CHD5: variants seen among roughly 807,000 people sequenced by gnomAD.
CHD5 encodes ATP-dependent chromatin remodeler CHD5.
CHD5 carries 69 observed loss-of-function variants against 230.3 expected under a neutral mutation model. That is an observed-to-expected ratio of 0.30 (90% CI 0.25 to 0.37). The LOEUF (loss-of-function observed/expected upper bound fraction) is 0.37, where lower values mean the gene tolerates loss of function less well. CHD5 is among the 10% of genes least tolerant of loss of function. The pLI, the probability that CHD5 is intolerant of heterozygous loss-of-function variation, is 1.00. For synonymous variants in CHD5, 1,064 were observed against 1,065.9 expected, an observed-to-expected ratio of 1.00 and a Z score of 0.03; for missense variants, 1,827 against 2,622.8, an observed-to-expected ratio of 0.70 and a Z score of 6.63.
In CHD5 at chr1:6,129,208, G is replaced by C. The variant is rs2100846618; in HGVS notation, c.3388-139C>G. Reference sequence around the variant, plus strand: ...GGCGTGTGGTGCGTCCAGGTGTGTGGAGCCCACCACTGCAGCTGGGCTCCC... The same window carrying C: ...GGCGTGTGGTGCGTCCAGGTGTGTGCAGCCCACCACTGCAGCTGGGCTCCC... On this transcript the variant is annotated intron_variant, in intron 22 of 41. Transcript: ENST00000262450. The surrounding 1 kb of genome is among the most constrained non-coding windows in gnomAD (Gnocchi z 6.8). 1.6e-6 allele frequency: 1 copy of C among 633,802 alleles called. No individual in the cohort carries two copies. The highest frequency in any genetic ancestry group is 2.7e-5 in the Admixed American group (1 of 37,686). The allele number at this position is 633,802 out of a possible 1,614,324, so 39.3% of individuals were successfully genotyped here.
rs557153140 is a variant in CHD5 at position 6,165,148 on chromosome 1, G to C, written c.207+3002C>G. Among the ~76,000 whole-genome samples, 525 of 152,260 alleles carry C rather than the reference G, an allele frequency of 3.4e-3. 5 individuals are homozygous for C. The highest frequency in any genetic ancestry group is 0.012 in the African/African-American group (514 of 41,550). On this transcript the variant is annotated intron_variant, in intron 2 of 41. Coordinates refer to ENST00000262450, the MANE Select transcript of CHD5 (RefSeq NM_015557.3). ...AGCGTGATCATGGCCCTGGGAATGA[G>C]AGCGTCGGAGAACCAGCCCTCCCAG...
At chr1:6,165,085 G>A (rs1460195992) in intron 2 of CHD5, among the ~76,000 whole-genome samples, 1 of 152,144 alleles carries the variant, frequency 6.6e-6, no homozygotes, top group African/African-American at 2.4e-5. Flanking sequence ...GAAAGAAGCG[G>A]GAGGGAAGAC....
At chr1:6,166,863 G>A (rs2100880829) in intron 2 of CHD5, among the ~76,000 whole-genome samples, 1 of 152,264 alleles carries the variant, frequency 6.6e-6, no homozygotes, top group South Asian at 2.1e-4. Flanking sequence ...GCCTTCCAGT[G>A]ATCTCACCTT....
chr1:6,128,966 C>A lies in CHD5; in HGVS notation c.3491G>T (p.Arg1164Leu). 1 of 1,612,926 alleles carries A rather than the reference C, an allele frequency of 6.2e-7. No individual in the cohort carries two copies. Among genetic ancestry groups the A allele is most frequent in the Non-Finnish European group, 8.5e-7 (1 of 1,179,978 alleles). Residue 1164 changes from arginine to leucine, a missense_variant, in exon 23 of 42, where the codon CGC becomes CTC. Transcript: ENST00000262450. This position sits in a 1 kb window ranked among gnomAD's most constrained non-coding sequence, Gnocchi z 7.8. Reference sequence around the variant, plus strand: ...CACCAGGTGGGTGAGCATCATCTTGCGCTTGGCCACCTGCGTGATGCGCTC... The same window carrying A: ...CACCAGGTGGGTGAGCATCATCTTGAGCTTGGCCACCTGCGTGATGCGCTC... ...VEERITQVAK[R>L]KMMLTHLVVR...
intron 2 of CHD5, among the ~76,000 whole-genome samples, chr1:6,164,975 G>A (rs971882026): frequency 5.3e-5 from 8 of 152,192 alleles, no homozygotes. Flanking sequence ...ACCAAGCACA[G>A]GCCAGAGGGA....
intron 33 of CHD5, among the ~76,000 whole-genome samples, chr1:6,114,252 C>CA (rs34379729): frequency 0.49 from 68,439 of 139,372 alleles, 16,556 homozygotes; most frequent in East Asian, 0.8. Context: ...GACTCCGTCT[C>CA]AAAAAAAAAA....
intron 33 of CHD5, among the ~76,000 whole-genome samples, chr1:6,116,159 C>T (rs538940146): frequency 4.6e-5 from 7 of 152,286 alleles, no homozygotes; most frequent in East Asian, 3.9e-4. Context: ...ACAAACTCCA[C>T]GGAATGAAGC....
intron 1 of CHD5, among the ~76,000 whole-genome samples, chr1:6,178,997 G>C (rs187037300): frequency 2.8e-4 from 42 of 152,342 alleles, no homozygotes; most frequent in Non-Finnish European, 4.9e-4. Context: ...GAGTCTCCCA[G>C]AAAGGAGGGA....
rs879546055 is a variant in CHD5 at position 6,154,943 on chromosome 1, T to C, written c.507-45A>G. 6.4e-7 allele frequency: 1 copy of C among 1,558,580 alleles called. No homozygotes were observed. Among genetic ancestry groups the C allele is most frequent in the Non-Finnish European group, 8.8e-7 (1 of 1,139,440 alleles). On this transcript the variant is annotated intron_variant, in intron 4 of 41. Transcript: ENST00000262450. The surrounding 1 kb of genome is among the most constrained non-coding windows in gnomAD (Gnocchi z 7.0). The stretch of plus-strand genomic sequence containing the variant: ...AGGGTGAGGGCAAGGCCAGGTGAGA[T>C]GAGAGGCCCACCCGACCCCCGGCAG...
In CHD5 at chr1:6,142,136, G is replaced by C; in HGVS notation, c.2428C>G (p.Arg810Gly). ...GGATAGCGAGCCCTCACCTTCATACGGAATACCTTCTTCCCACTCCGAATG... is the reference window on the plus strand; with the variant it reads ...GGATAGCGAGCCCTCACCTTCATACCGAATACCTTCTTCCCACTCCGAATG... Reference protein sequence around the residue: ...NAIRSGKKVFRMKKEVQIKFH... With the variant: ...NAIRSGKKVFGMKKEVQIKFH... The change falls in exon 15 of 42, where the codon CGT (arginine) becomes GGT (glycine). Residue 810 changes from arginine (R) to glycine (G), a missense_variant. Around this residue, in one of 14 missense-constraint regions of CHD5, gnomAD observed 80 missense variants for 96.4 expected, o/e 0.83. Transcript: ENST00000262450. This position sits in a 1 kb window ranked among gnomAD's most constrained non-coding sequence, Gnocchi z 5.2. The C allele has an allele frequency of 6.2e-7, 1 of 1,613,834 alleles. No individual in the cohort carries two copies. Among genetic ancestry groups the C allele is most frequent in the Non-Finnish European group, 8.5e-7 (1 of 1,179,768 alleles).
At chr1:6,174,427 T>C (rs574157180) in intron 1 of CHD5, among the ~76,000 whole-genome samples, 2 of 151,704 alleles carry the variant, frequency 1.3e-5, no homozygotes, top group Admixed American at 1.3e-4. Flanking sequence ...GATGAATGCA[T>C]GGTGGATGGA....
chr1:6,118,618 G>T (rs1227131771), intron 33 of CHD5, among the ~76,000 whole-genome samples: 1 of 152,120 alleles, frequency 6.6e-6, no homozygotes, highest in African/African-American at 2.4e-5. Context: ...TATTTTTGAA[G>T]TGATTAAATG....
At chr1:6,136,202 G>A (rs899261549) in intron 17 of CHD5, among the ~76,000 whole-genome samples, 4 of 152,120 alleles carry the variant, frequency 2.6e-5, no homozygotes, top group Non-Finnish European at 5.9e-5. Flanking sequence ...AGTCACTTGG[G>A]TCTCAGTGGA....
In CHD5 at chr1:6,128,002, A is replaced by C. The variant is rs192319708; in HGVS notation, c.3903+44T>G. On this transcript the variant is annotated intron_variant, in intron 25 of 41. Transcript: ENST00000262450. The surrounding 1 kb of genome is among the most constrained non-coding windows in gnomAD (Gnocchi z 7.8). ...GACACAGTGGGGGGCGGGGCTGCGGATGGAGGGCGGGGCTGCGGATGGAGG... is the reference window on the plus strand; with the variant it reads ...GACACAGTGGGGGGCGGGGCTGCGGCTGGAGGGCGGGGCTGCGGATGGAGG... The C allele has an allele frequency of 1.5e-6, 2 of 1,328,826 alleles. No individual in the cohort carries two copies. The highest frequency in any genetic ancestry group is 3.3e-5 in the African/African-American group (2 of 60,192). 82.3% of individuals were successfully genotyped at this position (1,328,826 alleles called of 1,614,324 possible). A position where few individuals can be genotyped will look rare whatever the true frequency, so the allele number is the denominator to read the frequency against.
At position 6,146,982 on chromosome 1, in the gene CHD5, C is replaced by A; in HGVS notation, c.1384-111G>T. On this transcript the variant is annotated intron_variant, in intron 9 of 41. Coordinates refer to ENST00000262450, the MANE Select transcript of CHD5 (RefSeq NM_015557.3). This position sits in a 1 kb window ranked among gnomAD's most constrained non-coding sequence, Gnocchi z 5.1. ...CTCCCTCCCATCAGTGCCACTGCCC[C>A]CAAGTCAGAACAGTACCACGGTGAC... 1 of 825,124 alleles carries A rather than the reference C, an allele frequency of 1.2e-6. No individual in the cohort carries two copies. 51.1% of individuals were successfully genotyped at this position (825,124 alleles called of 1,614,324 possible).
chr1:6,149,321 C>A lies in CHD5; in HGVS notation c.1086G>T (p.Pro362=), dbSNP rs757492771. Residue 362 remains proline (P), a synonymous_variant, in exon 8 of 42, where the codon CCG becomes CCT. Coordinates refer to ENST00000262450, the MANE Select transcript of CHD5 (RefSeq NM_015557.3). ...CCAGGCATACGAGATGGTAGGCCCT[C>A]GGGCAGGTGTCGCACAGGATGATCT... ...GGEIILCDTC[P]RAYHLVCLDP... is the part of the protein sequence containing the mutation. The A allele has an allele frequency of 6.2e-7, 1 of 1,612,974 alleles. No homozygotes were observed. Among genetic ancestry groups the A allele is most frequent in the Admixed American group, 1.7e-5 (1 of 59,886 alleles).
chr1:6,121,200 T>C lies in CHD5; in HGVS notation c.4817A>G (p.Asp1606Gly). The change falls in exon 33 of 42, where the codon GAC (aspartate) becomes GGC (glycine). Residue 1606 changes from aspartate (D) to glycine (G), a missense_variant. Coordinates refer to ENST00000262450, the MANE Select transcript of CHD5 (RefSeq NM_015557.3). The surrounding 1 kb of genome is among the most constrained non-coding windows in gnomAD (Gnocchi z 4.5). The part of the protein sequence containing the change: ...PAALDRVESE[D>G]KHESPASKER... ...CTTGCTGGCTGGGCTCTCGTGCTTG[T>C]CCTCACTCTCCACTCTATCCAAGGC... 1 of 1,613,872 alleles carries C rather than the reference T, an allele frequency of 6.2e-7. No individual in the cohort carries two copies. Among genetic ancestry groups the C allele is most frequent in the Non-Finnish European group, 8.5e-7 (1 of 1,179,908 alleles).
Position 6,125,758 on chromosome 1 carries a change from A to C in CHD5, c.4171+8T>G. On this transcript the variant is annotated splice_region_variant and intron_variant, in intron 27 of 41. Transcript: ENST00000262450. This position sits in a 1 kb window ranked among gnomAD's most constrained non-coding sequence, Gnocchi z 6.7. ...GCAGTAGCCCAGACCACTAACACTG[A>C]GACTCACTCTGCCCTTCCGGCCTCT... 1 of 1,610,300 alleles carries C rather than the reference A, an allele frequency of 6.2e-7. No individual in the cohort carries two copies. Among genetic ancestry groups the C allele is most frequent in the Non-Finnish European group, 8.5e-7 (1 of 1,176,644 alleles).
At chr1:6,159,180 C>T (rs1043409803) in intron 3 of CHD5, among the ~76,000 whole-genome samples, 156 bp downstream of exon 3, 13 of 151,400 alleles carry the variant, frequency 8.6e-5, no homozygotes, top group East Asian at 3.9e-4. Flanking sequence ...TGCAGTGAGC[C>T]GAGGTCACGC....
Sources: allele counts gnomAD v4.1 joint callset (sites outside exome capture counted in the v4.1 genomes callset), GRCh38; gene constraint gnomAD v4.1.1; regional missense constraint gnomAD v4.1.1; non-coding constraint Gnocchi (gnomAD v3.1); transcripts MANE v1.5; gene names NCBI Gene and HGNC (gene_info 2026-07-23, HGNC 2026-07-21).